TUSC3: variants seen among roughly 807,000 people sequenced by gnomAD.
TUSC3 encodes the protein tumor suppressor candidate 3.
A neutral mutation model predicts 44.8 loss-of-function variants in TUSC3; 45 were observed. The ratio of observed to expected loss-of-function variants is 1.00; its 90% CI spans 0.79 to 1.29. The LOEUF (loss-of-function observed/expected upper bound fraction) is 1.29. TUSC3 is among the 50% of genes most tolerant of loss of function. The pLI, the probability that TUSC3 is intolerant of heterozygous loss-of-function variation, is 0.00. For missense variants in TUSC3, 519 were observed against 437.9 expected, an observed-to-expected ratio of 1.19 and a Z score of -1.65; for synonymous variants, 212 against 152.9, an observed-to-expected ratio of 1.39 and a Z score of -2.85.
chr8:15,717,689 C>G (rs1297601877), intron 6 of TUSC3, among the ~76,000 whole-genome samples: 1 of 152,080 alleles, frequency 6.6e-6, no homozygotes, highest in East Asian at 1.9e-4. Flanking sequence ...CTCTAGCACT[C>G]ATTTGGACAT....
chr8:15,421,178 T>C (rs202186497), intron 1 of TUSC3, among the ~76,000 whole-genome samples: 1 of 138,324 alleles, frequency 7.2e-6, no homozygotes, highest in Admixed American at 6.9e-5. Context: ...AACTTCCTTA[T>C]AGTTAACTTC....
rs140848021 is a variant in TUSC3 at position 15,629,329 on chromosome 8, A to T, written c.308+6080A>T. Reference sequence around the variant, plus strand: ...TAATTGTGGTAGAGAAGTGGTCTTGAGGTCTATTGTTATTGAGCCAGGAGA... The same window carrying T: ...TAATTGTGGTAGAGAAGTGGTCTTGTGGTCTATTGTTATTGAGCCAGGAGA... On this transcript the variant is annotated intron_variant, in intron 2 of 10. Coordinates refer to ENST00000503731, the MANE Select transcript of TUSC3 (RefSeq NM_006765.4). Among the ~76,000 whole-genome samples, 25 of 152,230 alleles carry T rather than the reference A, an allele frequency of 1.6e-4. No individual in the cohort carries two copies. The East Asian group carries it at 4.4e-3, about 27-fold the overall frequency.
chr8:15,482,764 T>C (rs968534691), intron 1 of TUSC3, among the ~76,000 whole-genome samples: 9 of 152,170 alleles, frequency 5.9e-5, no homozygotes, highest in African/African-American at 2.2e-4. Context: ...CAAATCTGTA[T>C]ATACAGAAAT....
At position 15,423,969 on chromosome 8, in the gene TUSC3, G is replaced by GTTTTTTTTTTTTTTTTT. The variant is rs112397215; in HGVS notation, n.91+6686_91+6702dup. 2.8e-5 allele frequency among the ~76,000 whole-genome samples: 2 copies of GTTTTTTTTTTTTTTTTT among 70,362 alleles called. 1 individual carries two copies. Among genetic ancestry groups the GTTTTTTTTTTTTTTTTT allele is most frequent in the Non-Finnish European group, 6.3e-5 (2 of 31,962 alleles). 46.2% of individuals were successfully genotyped at this position (70,362 alleles called of 152,430 possible). Reference sequence around the variant, plus strand: ...TACAGCATTCATACTGTTTTGCTTTGTTTTTTTTTTTTTTTTTTTTTTTTT... The same window carrying GTTTTTTTTTTTTTTTTT: ...TACAGCATTCATACTGTTTTGCTTTGTTTTTTTTTTTTTTTTTTTTTTTTTTTTTTTTTTTTTTTTTT... On this transcript the variant is annotated intron_variant and non_coding_transcript_variant, in intron 1 of 5. Coordinates refer to the TUSC3 transcript ENST00000503191.
chr8:15,653,894 C>G (rs890773547), intron 3 of TUSC3, among the ~76,000 whole-genome samples: 4 of 152,126 alleles, frequency 2.6e-5, no homozygotes, highest in Admixed American at 2.6e-4. Flanking sequence ...AGTGCAGAAA[C>G]TTGGTAATTT....
chr8:15,765,408 A>G lies in TUSC3; in HGVS notation c.*1252A>G, dbSNP rs1430015372. 1 of 151,996 alleles carries G rather than the reference A, an allele frequency of 6.6e-6. No homozygotes were observed. Among genetic ancestry groups the G allele is most frequent in the Non-Finnish European group, 1.5e-5 (1 of 67,924 alleles). The allele number at this position is 151,996 out of a possible 1,614,324, so 9.4% of individuals were successfully genotyped here. A position where few individuals can be genotyped will look rare whatever the true frequency, so the allele number is the denominator to read the frequency against. On this transcript the variant is annotated 3_prime_UTR_variant, in exon 11 of 11. Transcript: ENST00000503731. ...TCTAATTTTCATTAAGATTTGAGTA[A>G]CAGACCATGGAGAATTGTTTTCATT...
chr8:15,617,430 G>A (rs947428117), intron 1 of TUSC3, among the ~76,000 whole-genome samples: 7 of 152,074 alleles, frequency 4.6e-5, no homozygotes, highest in East Asian at 1.9e-4. Context: ...GAGCCACCGC[G>A]CCTGGCCTGT....
At chr8:15,614,518 C>G (rs1041116308) in intron 1 of TUSC3, among the ~76,000 whole-genome samples, 2 of 152,086 alleles carry the variant, frequency 1.3e-5, no homozygotes, top group Non-Finnish European at 2.9e-5. Context: ...CCTTTCTAGA[C>G]TTTTTATATA....
chr8:15,837,700 G>C, the TUSC3 span, among the ~76,000 whole-genome samples: 1 of 152,058 alleles, frequency 6.6e-6, no homozygotes. Flanking sequence ...TAGTGTTCTA[G>C]CTTCAGAGTC....
At chr8:15,801,669 A>G in the TUSC3 span, among the ~76,000 whole-genome samples, 1 of 152,124 alleles carries the variant, frequency 6.6e-6, no homozygotes, top group Non-Finnish European at 1.5e-5. Flanking sequence ...TGAAAGCACC[A>G]TGAGGGTTGT....
At chr8:15,727,644 AAC>A (rs1810551583) in intron 6 of TUSC3, among the ~76,000 whole-genome samples, 1 of 152,180 alleles carries the variant, frequency 6.6e-6, no homozygotes, top group African/African-American at 2.4e-5. Context: ...TATATTTTAA[AAC>A]TATCAGTTCA....
chr8:15,432,384 GCTTA>G lies in TUSC3; in HGVS notation n.91+15085_91+15088del, dbSNP rs746881227. On this transcript the variant is annotated intron_variant and non_coding_transcript_variant, in intron 1 of 5. Coordinates refer to the TUSC3 transcript ENST00000503191. ...ACTTTCTTAAAATGTCCATTTCCTT[GCTTA>G]CTTACATTTCCCATCTGTTTTCACA... 5.9e-5 allele frequency among the ~76,000 whole-genome samples: 9 copies of G among 151,922 alleles called. No homozygotes were observed. In the East Asian group the frequency reaches 1.7e-3, roughly 29 times the overall value.
At chr8:15,766,888 T>C (rs1454947612), downstream of TUSC3, among the ~76,000 whole-genome samples, 1 of 152,092 alleles carries the variant, frequency 6.6e-6, no homozygotes, top group East Asian at 1.9e-4. Context: ...CATTGTGTTT[T>C]AAAAAGGACT....
chr8:15,430,015 C>A (rs1448798196), intron 1 of TUSC3, among the ~76,000 whole-genome samples: 2 of 151,446 alleles, frequency 1.3e-5, no homozygotes, highest in African/African-American at 4.9e-5. Flanking sequence ...AATCCAGGAC[C>A]AGATGGATTC....
intron 1 of TUSC3, among the ~76,000 whole-genome samples, chr8:15,430,993 A>G (rs1425810132): frequency 1.3e-5 from 2 of 151,772 alleles, no homozygotes; most frequent in African/African-American, 2.4e-5. Flanking sequence ...GTGAAGTGAT[A>G]CATGTCTAAG....
At chr8:15,439,067 T>C (rs1799989477) in intron 1 of TUSC3, among the ~76,000 whole-genome samples, 1 of 152,168 alleles carries the variant, frequency 6.6e-6, no homozygotes, top group African/African-American at 2.4e-5. Context: ...TTGACGGCAC[T>C]GTGACCTTAG....
chr8:15,562,342 A>G (rs1232681558), intron 1 of TUSC3, among the ~76,000 whole-genome samples: 1 of 152,136 alleles, frequency 6.6e-6, no homozygotes, highest in Non-Finnish European at 1.5e-5. Context: ...TTCGCAATTT[A>G]TCTTTCCATC....
intron 2 of TUSC3, among the ~76,000 whole-genome samples, chr8:15,643,086 G>A (rs1042018512): frequency 5.9e-5 from 9 of 152,264 alleles, no homozygotes; most frequent in Middle Eastern, 3.4e-3. Context: ...CACATGACCT[G>A]ATGGCTTTAT....
chr8:15,691,472 C>T (rs1350912149), intron 6 of TUSC3, among the ~76,000 whole-genome samples: 2 of 152,098 alleles, frequency 1.3e-5, no homozygotes, highest in Admixed American at 6.5e-5. Flanking sequence ...AGTTTGACTT[C>T]CTCTCTTTTT....
Sources: gnomAD v4.1 joint callset for allele counts (sites outside exome capture counted in the v4.1 genomes callset) on GRCh38, gnomAD v4.1.1 for gene constraint, MANE v1.5 for transcripts, NCBI Gene and HGNC (gene_info 2026-07-23, HGNC 2026-07-21) for gene names.